Variants in FAM184B observed in about 807,000 individuals in gnomAD.
The protein encoded by FAM184B is family with sequence similarity 184 member B.
A neutral mutation model predicts 135.9 loss-of-function variants in FAM184B; 111 were observed. The ratio of observed to expected loss-of-function variants is 0.82; its 90% CI spans 0.70 to 0.96. FAM184B has a LOEUF of 0.96. Among genes scored for constraint, FAM184B ranks in the 40% least tolerant of loss-of-function variants. The pLI, the probability that FAM184B is intolerant of heterozygous loss-of-function variation, is 0.00. For missense variants in FAM184B, 1,375 were observed against 1,323.9 expected (o/e 1.04, Z -0.60); for synonymous variants, 552 against 524.8 (o/e 1.05, Z -0.71).
chr4:17,665,928 T>C (rs2108945273), intron 7 of FAM184B, among the ~76,000 whole-genome samples: 1 of 150,322 alleles, frequency 6.7e-6, no homozygotes, highest in Non-Finnish European at 1.5e-5. Flanking sequence ...TAGTCTTCTC[T>C]GCTGAAGCCT....
chr4:17,780,210 T>G (rs1719008643), intron 1 of FAM184B, among the ~76,000 whole-genome samples: 1 of 151,914 alleles, frequency 6.6e-6, no homozygotes, highest in Non-Finnish European at 1.5e-5. Flanking sequence ...CAAAAAAATG[T>G]GTGGGAAGTG....
chr4:17,779,030 A>G (rs1718983497), intron 1 of FAM184B, among the ~76,000 whole-genome samples: 1 of 152,066 alleles, frequency 6.6e-6, no homozygotes, highest in Admixed American at 6.5e-5. Flanking sequence ...TTGAAAAAAT[A>G]AAAGACGATT....
In FAM184B at chr4:17,636,650, TC is replaced by T. The variant is rs1715146880; in HGVS notation, c.2667-6del. The T allele has an allele frequency of 1.3e-6, 2 of 1,544,724 alleles. No homozygotes were observed. The highest frequency in any genetic ancestry group is 1.7e-4 in the Middle Eastern group (1 of 5,954). On this transcript the variant is annotated splice_region_variant and splice_polypyrimidine_tract_variant and intron_variant, in intron 14 of 17. Transcript: ENST00000265018. ...TTCTCTCCGGAATCTTTCAGTCTGT[TC>T]CAAGCAGGCATGCAGTCAAGTCCCC...
At chr4:17,666,881 C>A (rs917665) in intron 7 of FAM184B, among the ~76,000 whole-genome samples, 84,005 of 151,600 alleles carry the variant, frequency 0.55, 24,691 homozygotes, top group East Asian at 0.83. Flanking sequence ...AAATATGTCA[C>A]GGGCCACTCC....
At chr4:17,735,253 G>A (rs530405512) in intron 1 of FAM184B, among the ~76,000 whole-genome samples, 1 of 152,032 alleles carries the variant, frequency 6.6e-6, no homozygotes, top group Non-Finnish European at 1.5e-5. Flanking sequence ...AATGGATGCA[G>A]CACACCAACA....
intron 1 of FAM184B, among the ~76,000 whole-genome samples, chr4:17,770,662 C>T (rs184936577): frequency 0.019 from 2,824 of 152,242 alleles, 45 homozygotes; most frequent in Non-Finnish European, 0.026. Context: ...GACGGGGTTT[C>T]ACCATGTTGT....
At chr4:17,651,136 T>A (rs1715604470) in intron 11 of FAM184B, among the ~76,000 whole-genome samples, 1 of 152,168 alleles carries the variant, frequency 6.6e-6, no homozygotes, top group African/African-American at 2.4e-5. Flanking sequence ...GAGAGGTTAT[T>A]TGTCTTGCTC....
chr4:17,757,537 G>T (rs1718449861), intron 1 of FAM184B, among the ~76,000 whole-genome samples: 1 of 151,980 alleles, frequency 6.6e-6, no homozygotes, highest in Admixed American at 6.6e-5. Context: ...TTATAAAAAA[G>T]AATGCTTATC....
intron 7 of FAM184B, among the ~76,000 whole-genome samples, chr4:17,685,194 A>G (rs889413180): frequency 7.4e-5 from 11 of 148,346 alleles, no homozygotes; most frequent in Admixed American, 1.4e-4. Flanking sequence ...TGTACCCTGG[A>G]ACTTAAAAAA....
At chr4:17,704,247 TC>T (rs950621902) in intron 5 of FAM184B, among the ~76,000 whole-genome samples, 4 of 152,286 alleles carry the variant, frequency 2.6e-5, no homozygotes, top group African/African-American at 9.6e-5. Flanking sequence ...GCTTCATACT[TC>T]CTTCTTTTCT....
intron 1 of FAM184B, among the ~76,000 whole-genome samples, chr4:17,722,069 G>A (rs1347906193): frequency 6.6e-6 from 1 of 152,210 alleles, no homozygotes; most frequent in East Asian, 1.9e-4. Flanking sequence ...AGGAGGAGGA[G>A]TGGCAGGGCC....
intron 11 of FAM184B, 115 bp from the exon 12 acceptor site, chr4:17,647,906 G>A (rs41268401): frequency 4.1e-6 from 5 of 1,226,160 alleles, no homozygotes; most frequent in Non-Finnish European, 5.6e-6. Flanking sequence ...CTGAAGGCTT[G>A]TGGTGGGTTA....
chr4:17,640,582 A>AG (rs11373041), intron 13 of FAM184B, among the ~76,000 whole-genome samples: 94,579 of 151,764 alleles, frequency 0.62, 29,889 homozygotes, highest in East Asian at 0.89. Context: ...ACAAATATTA[A>AG]AAAAAAGGAA....
intron 1 of FAM184B, among the ~76,000 whole-genome samples, chr4:17,769,487 A>G (rs977267492): frequency 3.3e-4 from 50 of 152,068 alleles, no homozygotes; most frequent in African/African-American, 1.2e-3. Context: ...TTTGGATCTG[A>G]TCAAATGGAG....
At chr4:17,763,405 A>AACAC (rs148239054) in intron 1 of FAM184B, among the ~76,000 whole-genome samples, 303 of 150,868 alleles carry the variant, frequency 2.0e-3, no homozygotes, top group African/African-American at 6.4e-3. Context: ...CACACACACA[A>AACAC]ACACACACAC....
intron 7 of FAM184B, among the ~76,000 whole-genome samples, chr4:17,665,306 G>C (rs2077845427): frequency 6.6e-6 from 1 of 152,166 alleles, no homozygotes; most frequent in Admixed American, 6.5e-5. Flanking sequence ...TAACAATGAG[G>C]CTTCTGAATA....
intron 12 of FAM184B, 40 bp from the exon 13 acceptor site, chr4:17,642,268 A>T: frequency 7.0e-7 from 1 of 1,432,266 alleles, no homozygotes; most frequent in Non-Finnish European, 9.1e-7. Context: ...CAGGAGGCGC[A>T]GGGGCAGACA....
intron 6 of FAM184B, among the ~76,000 whole-genome samples, chr4:17,688,861 T>C (rs1457383982): frequency 6.6e-6 from 1 of 151,896 alleles, no homozygotes; most frequent in Non-Finnish European, 1.5e-5. Flanking sequence ...CCAGCTAATT[T>C]TTTGTATTTT....
At chr4:17,636,190 C>CT (rs1323076832) in intron 15 of FAM184B, among the ~76,000 whole-genome samples, 1 of 152,152 alleles carries the variant, frequency 6.6e-6, no homozygotes, top group Non-Finnish European at 1.5e-5. Context: ...ACTGCAACCT[C>CT]TGTCTCTCGG....
Sources: gnomAD v4.1 joint callset for allele counts (sites outside exome capture counted in the v4.1 genomes callset) on GRCh38, gnomAD v4.1.1 for gene constraint, MANE v1.5 for transcripts, NCBI Gene and HGNC (gene_info 2026-07-23, HGNC 2026-07-21) for gene names.